The following KLHL10 variants were observed in gnomAD, a reference collection of about 807,000 sequenced individuals.
KLHL10 encodes kelch-like protein 10.
Under a neutral mutation model 46.6 loss-of-function variants are expected in KLHL10, and 11 were observed. The observed-to-expected ratio is 0.24, with a 90% confidence interval of 0.15 to 0.39. KLHL10 has a LOEUF of 0.39. Ranked by LOEUF, KLHL10 falls within the 10% of genes least tolerant of loss-of-function variation. The pLI is 1.00. For missense variants in KLHL10, 475 were observed against 789.8 expected (o/e 0.60, Z 4.78); for synonymous variants, 254 against 279.1 (o/e 0.91, Z 0.90).
chr17:41,838,645 T>TTTG (rs34971202), intron 1 of KLHL10, among the ~76,000 whole-genome samples: 1 of 79,854 alleles, frequency 1.3e-5, no homozygotes, highest in Non-Finnish European at 2.6e-5. Flanking sequence ...TTTTTTTTTT[T>TTTG]GTTTGTTTTG....
rs1555621549 is a variant in KLHL10, at chr17:41,847,267, A to G, written c.1309A>G (p.Ile437Val). Residue 437 changes from isoleucine (I) to valine (V), a missense_variant, in exon 4 of 5, where the codon ATA becomes GTA. Physicochemically the swap from Ile to Val is conservative, Grantham distance 29. Coordinates refer to ENST00000293303, the MANE Select transcript of KLHL10 (RefSeq NM_152467.5). ...SATTLYGKVY[I>V]CGGFNGNECL... ...CTTGGAACTCTTCACACAGGTCTAC[A>G]TATGTGGTGGGTTTAATGGAAACGA... 1.9e-6 allele frequency: 3 copies of G among 1,614,004 alleles called. No homozygotes were observed. The highest frequency in any genetic ancestry group is 4.5e-5 in the East Asian group (2 of 44,874).
chr17:41,843,943 A>T (rs1555620990), intron 2 of KLHL10, among the ~76,000 whole-genome samples: 1 of 150,096 alleles, frequency 6.7e-6, no homozygotes, highest in Admixed American at 6.6e-5. Flanking sequence ...TTGTATTTTT[A>T]GTAGAGACGG....
chr17:41,836,241 G>T, upstream of KLHL10: 1 of 1,176,456 alleles, frequency 8.5e-7, no homozygotes, highest in African/African-American at 1.6e-5. Context: ...ACAGCCCCGC[G>T]ACCGCACTGC....
intron 1 of KLHL10, among the ~76,000 whole-genome samples, chr17:41,839,863 C>A (rs1314625274): frequency 6.7e-6 from 1 of 148,412 alleles, no homozygotes; most frequent in Non-Finnish European, 1.5e-5. Context: ...CAGCTGTGTG[C>A]CACCACATCT....
chr17:41,842,031 G>C lies in KLHL10; in HGVS notation c.403G>C (p.Glu135Gln). The C allele has an allele frequency of 6.2e-7, 1 of 1,614,176 alleles. No individual in the cohort carries two copies. The highest frequency in any genetic ancestry group is 8.5e-7 in the Non-Finnish European group (1 of 1,180,042). ...GGGTTGCTGCGAGTTCCTCAAGTCAGAGCTGTGCTTGGATAATTGTATCGG... is the reference window on the plus strand; with the variant it reads ...GGGTTGCTGCGAGTTCCTCAAGTCACAGCTGTGCTTGGATAATTGTATCGG... ...VRGCCEFLKS[E>Q]LCLDNCIGIC... The change falls in exon 2 of 5, where the codon GAG becomes CAG. Residue 135 changes from glutamate (E) to glutamine (Q), a missense_variant. Coordinates refer to ENST00000293303, the MANE Select transcript of KLHL10 (RefSeq NM_152467.5).
intron 2 of KLHL10, 30 bp from the exon 3 acceptor site, chr17:41,845,096 C>G: frequency 1.2e-6 from 2 of 1,614,150 alleles, no homozygotes; most frequent in Non-Finnish European, 1.7e-6. Context: ...TCTCACGTCA[C>G]CTGAATGACT....
intron 1 of KLHL10, among the ~76,000 whole-genome samples, chr17:41,841,288 A>T (rs2048223734): frequency 6.6e-6 from 1 of 152,162 alleles, no homozygotes; most frequent in South Asian, 2.1e-4. Context: ...AAAATAAGAA[A>T]AGGAAGATAA....
intron 2 of KLHL10, among the ~76,000 whole-genome samples, 166 bp from the exon 3 acceptor site, chr17:41,844,960 T>TGA (rs1258540438): frequency 6.6e-6 from 1 of 152,176 alleles, no homozygotes; most frequent in Admixed American, 6.5e-5. Context: ...GCTGGGATTA[T>TGA]GGTGTGAGCC....
upstream of KLHL10, chr17:41,835,688 A>C (rs1555619812): frequency 1.4e-6 from 1 of 737,136 alleles, no homozygotes; most frequent in Admixed American, 2.0e-5. Context: ...GAAATCTGAA[A>C]TTTGGGTTTT....
intron 1 of KLHL10, among the ~76,000 whole-genome samples, chr17:41,840,163 T>C (rs1282528637): frequency 6.6e-6 from 1 of 152,242 alleles, no homozygotes. Flanking sequence ...GTAATTGTTT[T>C]AGGTTTTTGC....
Position 41,837,854 on chromosome 17 carries a change from G to C in KLHL10, c.-79G>C. On this transcript the variant is annotated 5_prime_UTR_variant, in exon 1 of 5. Transcript: ENST00000293303. ...AAAAGATGTAGTAGGGAAAAGGAGC[G>C]ACAGCTGGCTAAAGGGGCCCCCCAC... The C allele has an allele frequency of 6.2e-7, 1 of 1,602,580 alleles. No homozygotes were observed. Among genetic ancestry groups the C allele is most frequent in the Admixed American group, 1.7e-5 (1 of 59,256 alleles).
intron 2 of KLHL10, 56 bp downstream of exon 2, chr17:41,842,368 T>C: frequency 6.2e-7 from 1 of 1,606,226 alleles, no homozygotes; most frequent in Non-Finnish European, 8.5e-7. Context: ...AAAGCAAAAT[T>C]CAGACATATG....
chr17:41,846,341 T>G (rs1555621416), intron 3 of KLHL10, among the ~76,000 whole-genome samples: 1 of 151,584 alleles, frequency 6.6e-6, no homozygotes, highest in Non-Finnish European at 1.5e-5. Flanking sequence ...GCTAACATGG[T>G]GAAACCCTGT....
chr17:41,842,358 A>C (rs782017497), intron 2 of KLHL10, 46 bp downstream of exon 2: 2 of 1,611,752 alleles, frequency 1.2e-6, no homozygotes, highest in Admixed American at 3.3e-5. Context: ...GATTGTCCTA[A>C]AAGCAAAATT....
At position 41,842,012 on chromosome 17, in the gene KLHL10, C is replaced by T; in HGVS notation, c.384C>T (p.Cys128=). Residue 128 remains cysteine (C), a synonymous_variant, in exon 2 of 5, where the codon TGC becomes TGT. Coordinates refer to ENST00000293303, the MANE Select transcript of KLHL10 (RefSeq NM_152467.5). ...QFNIMGIVRG[C]CEFLKSELCL... is the part of the protein sequence containing the mutation. ...ACATCATGGGTATCGTCAGGGGTTGCTGCGAGTTCCTCAAGTCAGAGCTGT... is the reference window on the plus strand; with the variant it reads ...ACATCATGGGTATCGTCAGGGGTTGTTGCGAGTTCCTCAAGTCAGAGCTGT... 1 of 1,614,132 alleles carries T rather than the reference C, an allele frequency of 6.2e-7. No homozygotes were observed. Among genetic ancestry groups the T allele is most frequent in the Non-Finnish European group, 8.5e-7 (1 of 1,180,040 alleles).
At chr17:41,838,649 T>G (rs1344113346) in intron 1 of KLHL10, among the ~76,000 whole-genome samples, 1 of 87,456 alleles carries the variant, frequency 1.1e-5, no homozygotes, top group Non-Finnish European at 2.3e-5. Context: ...TTTTTTTGTT[T>G]GTTTTGTTTT....
At chr17:41,837,242 A>G (rs181473082), upstream of KLHL10, among the ~76,000 whole-genome samples, 153 of 152,294 alleles carry the variant, frequency 1.0e-3, 1 homozygote, top group East Asian at 0.024. Context: ...TCGGCTCACT[A>G]CAACCTCCAT....
chr17:41,839,304 T>C (rs2144123261), intron 1 of KLHL10, among the ~76,000 whole-genome samples: 1 of 152,294 alleles, frequency 6.6e-6, no homozygotes, highest in South Asian at 2.1e-4. Flanking sequence ...AGGTCTGATT[T>C]TTCAACTGGA....
At chr17:41,839,510 T>C (rs1479042864) in intron 1 of KLHL10, among the ~76,000 whole-genome samples, 1 of 152,054 alleles carries the variant, frequency 6.6e-6, no homozygotes, top group Non-Finnish European at 1.5e-5. Flanking sequence ...GGAAGGGAGA[T>C]GAGGGGGAAA....
Sources: allele counts gnomAD v4.1 joint callset (sites outside exome capture counted in the v4.1 genomes callset), GRCh38; gene constraint gnomAD v4.1.1; transcripts MANE v1.5; gene names NCBI Gene and HGNC (gene_info 2026-07-23, HGNC 2026-07-21).